The following PEX3 variants were observed in gnomAD, a reference collection of about 807,000 sequenced individuals.
PEX3 encodes the protein peroxisomal biogenesis factor 3.
In PEX3, 30 loss-of-function variants were observed where a neutral mutation model predicts 55.8. The ratio of observed to expected loss-of-function variants is 0.54; its 90% CI spans 0.40 to 0.73. The LOEUF is 0.73. Ranked by LOEUF, PEX3 falls within the 30% of genes least tolerant of loss-of-function variation. PEX3 has a pLI of 0.00. For synonymous variants in PEX3, 135 were observed against 148.4 expected, an observed-to-expected ratio of 0.91 and a Z score of 0.66; for missense variants, 351 against 432.8, an observed-to-expected ratio of 0.81 and a Z score of 1.68.
Position 143,487,640 on chromosome 6 carries a change from T to G in PEX3, c.1039-1503T>G, listed in dbSNP as rs190062561. On this transcript the variant is annotated intron_variant, in intron 11 of 11. Transcript: ENST00000367591. The surrounding 1 kb of genome is among the most constrained non-coding windows in gnomAD (Gnocchi z 5.3). The stretch of plus-strand genomic sequence containing the variant: ...TGGCTGACGTCTACTATTAATAATT[T>G]GTTGTGCCAAAGTGAATGTGGACCT... Among the ~76,000 whole-genome samples the G allele has an allele frequency of 2.4e-4, 36 of 152,280 alleles. No homozygotes were observed. The highest frequency in any genetic ancestry group is 7.5e-4 in the African/African-American group (31 of 41,580).
rs1041429286 is a variant in PEX3 at position 143,463,901 on chromosome 6, G to A, written c.287+904G>A. Among the ~76,000 whole-genome samples the A allele has an allele frequency of 6.6e-6, 1 of 152,002 alleles. No individual in the cohort carries two copies. The highest frequency in any genetic ancestry group is 2.1e-4 in the South Asian group (1 of 4,828). ...CTCAGACAGGCTACATAACAAGTGG[G>A]GAATTTTTTTAAAAACACTTACTAT... On this transcript the variant is annotated intron_variant, in intron 3 of 11. Transcript: ENST00000367591. The surrounding 1 kb of genome is among the most constrained non-coding windows in gnomAD (Gnocchi z 5.7).
At chr6:143,478,324 A>G (rs1295686806) in intron 9 of PEX3, among the ~76,000 whole-genome samples, 1 of 152,174 alleles carries the variant, frequency 6.6e-6, no homozygotes, top group African/African-American at 2.4e-5. Flanking sequence ...GATTGTAGCG[A>G]TAGTTGCACA....
rs1470070613 is a variant in PEX3, at chr6:143,479,504, A to G, written c.941+306A>G. On this transcript the variant is annotated intron_variant, in intron 10 of 11. Transcript: ENST00000367591. This position sits in a 1 kb window ranked among gnomAD's most constrained non-coding sequence, Gnocchi z 4.6. The stretch of plus-strand genomic sequence containing the variant: ...AACTCTTTAGAATACAAAACTCACA[A>G]TATGTTTTAATTTTAATGCATTCTC... 1.3e-5 allele frequency among the ~76,000 whole-genome samples: 2 copies of G among 152,014 alleles called. No homozygotes were observed. Among genetic ancestry groups the G allele is most frequent in the African/African-American group, 4.8e-5 (2 of 41,424 alleles).
rs138950245 is a variant in PEX3 at position 143,483,948 on chromosome 6, G to GA, written c.942-1194dup. Among the ~76,000 whole-genome samples, 357 of 149,234 alleles carry GA rather than the reference G, an allele frequency of 2.4e-3. 2 individuals are homozygous for GA. Among genetic ancestry groups the GA allele is most frequent in the Non-Finnish European group, 3.7e-3 (248 of 67,226 alleles). The stretch of plus-strand genomic sequence containing the variant: ...TTGAAAAATGCCACAAAGGTACCAT[G>GA]AAAAAAAAAATGCCTGCTTCCCTCA... On this transcript the variant is annotated intron_variant, in intron 10 of 11. Coordinates refer to ENST00000367591, the MANE Select transcript of PEX3 (RefSeq NM_003630.3). The surrounding 1 kb of genome is among the most constrained non-coding windows in gnomAD (Gnocchi z 4.3).
In PEX3 at chr6:143,471,552, A is replaced by C; in HGVS notation, c.524-5A>C. The C allele has an allele frequency of 2.5e-6, 4 of 1,609,754 alleles. No homozygotes were observed. Among genetic ancestry groups the C allele is most frequent in the Non-Finnish European group, 3.4e-6 (4 of 1,176,464 alleles). ...AGGCTTTTAGGTTTGTTTTTTCTTT[A>C]ATAGGCCTGACAGAATTGATCACTG... On this transcript the variant is annotated splice_polypyrimidine_tract_variant and splice_region_variant and intron_variant, in intron 6 of 11. Coordinates refer to ENST00000367591, the MANE Select transcript of PEX3 (RefSeq NM_003630.3). This position sits in a 1 kb window ranked among gnomAD's most constrained non-coding sequence, Gnocchi z 5.4.
chr6:143,471,457 T>G lies in PEX3; in HGVS notation c.523+8T>G. On this transcript the variant is annotated splice_region_variant and intron_variant, in intron 6 of 11. Transcript: ENST00000367591. The surrounding 1 kb of genome is among the most constrained non-coding windows in gnomAD (Gnocchi z 5.4). ...AGCACCTACTTGGAGATGGTAAGATTCTTATTTGTGACTTTTATACTAATT... is the reference window on the plus strand; with the variant it reads ...AGCACCTACTTGGAGATGGTAAGATGCTTATTTGTGACTTTTATACTAATT... 1 of 1,591,874 alleles carries G rather than the reference T, an allele frequency of 6.3e-7. No homozygotes were observed. The highest frequency in any genetic ancestry group is 8.6e-7 in the Non-Finnish European group (1 of 1,160,394).
At chr6:143,455,241 C>A (rs553710859) in intron 1 of PEX3, among the ~76,000 whole-genome samples, 1 of 149,396 alleles carries the variant, frequency 6.7e-6, no homozygotes, top group East Asian at 1.9e-4. Flanking sequence ...CGCCCAGGCT[C>A]GAGTGCAGTG....
chr6:143,472,102 T>G, intron 7 of PEX3, 58 bp from the exon 8 acceptor site: 1 of 1,107,270 alleles, frequency 9.0e-7, no homozygotes, highest in Non-Finnish European at 1.4e-6. Flanking sequence ...GAAAAGAGTG[T>G]ATATAGGATG....
At chr6:143,461,237 C>T (rs1319123371) in intron 2 of PEX3, among the ~76,000 whole-genome samples, 1 of 152,180 alleles carries the variant, frequency 6.6e-6, no homozygotes, top group Non-Finnish European at 1.5e-5. Flanking sequence ...GCCTGCTTTA[C>T]TGTGCCCATA....
chr6:143,456,855 G>T (rs1298573144), intron 1 of PEX3, among the ~76,000 whole-genome samples: 7 of 152,078 alleles, frequency 4.6e-5, no homozygotes, highest in African/African-American at 1.7e-4. Flanking sequence ...ACTCTGTAAT[G>T]TTCACATTCT....
rs1780077312 is a variant in PEX3 at position 143,471,702 on chromosome 6, A to G, written c.578+91A>G. 2 of 910,330 alleles carry G rather than the reference A, an allele frequency of 2.2e-6. No individual in the cohort carries two copies. Among genetic ancestry groups the G allele is most frequent in the African/African-American group, 1.6e-5 (1 of 61,412 alleles). The allele number at this position is 910,330 out of a possible 1,614,324, so 56.4% of individuals were successfully genotyped here. A position where few individuals can be genotyped will look rare whatever the true frequency, so the allele number is the denominator to read the frequency against. On this transcript the variant is annotated intron_variant, in intron 7 of 11. Transcript: ENST00000367591. The surrounding 1 kb of genome is among the most constrained non-coding windows in gnomAD (Gnocchi z 5.4). ...TTCTAGTGAAACCAGTGACTTGACA[A>G]ACGGTGATTTGTGAAACTCTTTGTA...
chr6:143,452,541 A>G (rs1315021612), intron 1 of PEX3, among the ~76,000 whole-genome samples: 1 of 152,252 alleles, frequency 6.6e-6, no homozygotes, highest in East Asian at 1.9e-4. Context: ...AAATAATCAC[A>G]GGGGAAGCAA....
chr6:143,454,503 T>TATTC lies in PEX3; in HGVS notation c.73+3405_73+3408dup, dbSNP rs911492733. Among the ~76,000 whole-genome samples, 2 of 152,226 alleles carry TATTC rather than the reference T, an allele frequency of 1.3e-5. No individual in the cohort carries two copies. Among genetic ancestry groups the TATTC allele is most frequent in the Admixed American group, 6.5e-5 (1 of 15,286 alleles). ...CTGTAATCTCTGGCTTCACATTTTT[T>TATTC]ATTCATTCATTCATTCATTCTGTCA... On this transcript the variant is annotated intron_variant, in intron 1 of 11. Coordinates refer to ENST00000367591, the MANE Select transcript of PEX3 (RefSeq NM_003630.3). This position sits in a 1 kb window ranked among gnomAD's most constrained non-coding sequence, Gnocchi z 4.3.
At chr6:143,472,742 G>A (rs78539857) in intron 8 of PEX3, among the ~76,000 whole-genome samples, 2,548 of 152,234 alleles carry the variant, frequency 0.017, 44 homozygotes, top group Non-Finnish European at 0.027. Context: ...CCAAGATAAC[G>A]AGTCTGAACT....
rs1322410035 is a variant in PEX3 at position 143,466,203 on chromosome 6, C to T, written c.288-1919C>T. Among the ~76,000 whole-genome samples the T allele has an allele frequency of 6.6e-6, 1 of 152,034 alleles. No individual in the cohort carries two copies. The highest frequency in any genetic ancestry group is 1.5e-5 in the Non-Finnish European group (1 of 67,910). ...TCCATGGTTTCACTTTCCAAGGTTT[C>T]AGTTAGCCATGACAACCATGGTCTA... On this transcript the variant is annotated intron_variant, in intron 3 of 11. Coordinates refer to ENST00000367591, the MANE Select transcript of PEX3 (RefSeq NM_003630.3). The surrounding 1 kb of genome is among the most constrained non-coding windows in gnomAD (Gnocchi z 5.4).
In PEX3 at chr6:143,490,573, AG is replaced by A. The variant is rs1221188529; in HGVS notation, c.*1350del. ...AAATCTGCCAAGCATGTCTTCACCA[AG>A]GGATATGGATTTGGCTTAATAAAAC... On this transcript the variant is annotated 3_prime_UTR_variant, in exon 12 of 12. Coordinates refer to ENST00000367591, the MANE Select transcript of PEX3 (RefSeq NM_003630.3). This position sits in a 1 kb window ranked among gnomAD's most constrained non-coding sequence, Gnocchi z 6.0. 1 of 673,210 alleles carries A rather than the reference AG, an allele frequency of 1.5e-6. No homozygotes were observed. The highest frequency in any genetic ancestry group is 2.2e-6 in the Non-Finnish European group (1 of 445,190). The allele number at this position is 673,210 out of a possible 1,614,324, so 41.7% of individuals were successfully genotyped here.
rs560784262 is a variant in PEX3 at position 143,471,233 on chromosome 6, T to A, written c.456+148T>A. ...TTTAGTATTATGAATAATTTTTATA[T>A]GTTGAAACTAGAATTTTTGGTGTGT... On this transcript the variant is annotated intron_variant, in intron 5 of 11. Transcript: ENST00000367591. This position sits in a 1 kb window ranked among gnomAD's most constrained non-coding sequence, Gnocchi z 5.4. 1 of 979,688 alleles carries A rather than the reference T, an allele frequency of 1.0e-6. No individual in the cohort carries two copies. The highest frequency in any genetic ancestry group is 2.6e-5 in the East Asian group (1 of 38,352). The allele number at this position is 979,688 out of a possible 1,614,324, so 60.7% of individuals were successfully genotyped here.
rs1779974945 is a variant in PEX3 at position 143,465,148 on chromosome 6, A to G, written c.287+2151A>G. Among the ~76,000 whole-genome samples the G allele has an allele frequency of 6.6e-6, 1 of 152,044 alleles. No homozygotes were observed. Among genetic ancestry groups the G allele is most frequent in the Non-Finnish European group, 1.5e-5 (1 of 67,882 alleles). On this transcript the variant is annotated intron_variant, in intron 3 of 11. Transcript: ENST00000367591. This position sits in a 1 kb window ranked among gnomAD's most constrained non-coding sequence, Gnocchi z 4.7. ...ATTTCTCCATGAAGGTATTTTAGTG[A>G]CATTAAAGAGTCTGGTTGTATTTAA...
In PEX3 at chr6:143,450,911, T is replaced by C; in HGVS notation, c.-132T>C. 1.2e-6 allele frequency: 1 copy of C among 839,070 alleles called. No homozygotes were observed. Among genetic ancestry groups the C allele is most frequent in the Non-Finnish European group, 2.1e-6 (1 of 475,630 alleles). The allele number at this position is 839,070 out of a possible 1,614,324, so 52.0% of individuals were successfully genotyped here. On this transcript the variant is annotated 5_prime_UTR_variant, in exon 1 of 12. Transcript: ENST00000367591. ...TGACAGTCTCTGCGGAAAGTCACGT[T>C]TGTGATTTCGGGAGAGCACAGAACG...
Sources: allele counts gnomAD v4.1 joint callset (sites outside exome capture counted in the v4.1 genomes callset), GRCh38; gene constraint gnomAD v4.1.1; non-coding constraint Gnocchi (gnomAD v3.1); transcripts MANE v1.5; gene names NCBI Gene and HGNC (gene_info 2026-07-23, HGNC 2026-07-21).